MACROD2: variants seen among roughly 807,000 people sequenced by gnomAD.
The protein encoded by MACROD2 is mono-ADP ribosylhydrolase 2.
Under a neutral mutation model 70.4 loss-of-function variants are expected in MACROD2, and 36 were observed. The ratio of observed to expected loss-of-function variants is 0.51; its 90% CI spans 0.39 to 0.68. The LOEUF is 0.68. Among genes scored for constraint, MACROD2 ranks in the 30% least tolerant of loss-of-function variants. The probability of loss-of-function intolerance (pLI) is 0.00; values close to 1 mark genes in which losing one functional copy is unlikely to be tolerated. For missense variants in MACROD2, 496 were observed against 538.4 expected (o/e 0.92, Z 0.78); for synonymous variants, 172 against 178.8 (o/e 0.96, Z 0.30).
intron 5 of MACROD2, among the ~76,000 whole-genome samples, chr20:14,822,571 A>C (rs2072858672): frequency 6.6e-6 from 1 of 152,104 alleles, no homozygotes; most frequent in African/African-American, 2.4e-5. Context: ...AAAACAATTG[A>C]ACTTTGGCTA....
At chr20:14,625,232 C>A (rs890895263) in intron 4 of MACROD2, among the ~76,000 whole-genome samples, 20 of 152,042 alleles carry the variant, frequency 1.3e-4, no homozygotes, top group African/African-American at 4.6e-4. Context: ...GAGGCTCAGG[C>A]AGGAGAATCA....
chr20:14,356,072 C>T (rs1046845224), intron 3 of MACROD2, among the ~76,000 whole-genome samples: 4 of 152,128 alleles, frequency 2.6e-5, no homozygotes, highest in African/African-American at 9.7e-5. Flanking sequence ...GTTAAGGGTG[C>T]TAGTTTTGTA....
intron 5 of MACROD2, among the ~76,000 whole-genome samples, chr20:15,081,181 T>G (rs1467979339): frequency 6.6e-6 from 1 of 151,890 alleles, no homozygotes; most frequent in Non-Finnish European, 1.5e-5. Context: ...TAAAATAAAA[T>G]TTTGTAATAA....
At chr20:14,917,860 T>C (rs2074111911) in intron 5 of MACROD2, among the ~76,000 whole-genome samples, 1 of 152,108 alleles carries the variant, frequency 6.6e-6, no homozygotes, top group Admixed American at 6.5e-5. Context: ...CAAATTTCAC[T>C]AGGATGAAGA....
chr20:14,510,257 T>G lies in MACROD2; in HGVS notation c.301+16749T>G, dbSNP rs2085014341. On this transcript the variant is annotated intron_variant, in intron 4 of 17. Coordinates refer to ENST00000684519, the MANE Select transcript of MACROD2 (RefSeq NM_001351661.2). ...AGTTTTTCCTTAGCTCTAAGCCTAA[T>G]GTCAATAGAAAACTATATTGAAAAG... Among the ~76,000 whole-genome samples, 2 of 152,060 alleles carry G rather than the reference T, an allele frequency of 1.3e-5. 1 individual carries two copies. Among genetic ancestry groups the G allele is most frequent in the South Asian group, 4.1e-4 (2 of 4,832 alleles).
chr20:15,224,540 A>G (rs1244007739), intron 5 of MACROD2, among the ~76,000 whole-genome samples: 1 of 152,238 alleles, frequency 6.6e-6, no homozygotes, highest in Non-Finnish European at 1.5e-5. Context: ...GTAGGCGTAG[A>G]TTAAATTTTT....
intron 3 of MACROD2, among the ~76,000 whole-genome samples, chr20:14,100,117 ATAC>A (rs2041230706): frequency 6.6e-6 from 1 of 152,050 alleles, no homozygotes; most frequent in Non-Finnish European, 1.5e-5. Context: ...TATGAAGGTA[ATAC>A]TATTATTATT....
chr20:14,972,847 C>T (rs1244295843), intron 5 of MACROD2, among the ~76,000 whole-genome samples: 1 of 152,096 alleles, frequency 6.6e-6, no homozygotes, highest in Admixed American at 6.5e-5. Flanking sequence ...AAGACATCAC[C>T]AATGGTTGTC....
At chr20:15,290,924 A>G (rs980022345) in intron 6 of MACROD2, among the ~76,000 whole-genome samples, 2 of 152,220 alleles carry the variant, frequency 1.3e-5, no homozygotes, top group African/African-American at 4.8e-5. Context: ...GCTTAATTGT[A>G]GAGACAGACA....
intron 8 of MACROD2, among the ~76,000 whole-genome samples, chr20:15,514,012 A>G (rs1442481642): frequency 6.6e-6 from 1 of 152,206 alleles, no homozygotes; most frequent in Non-Finnish European, 1.5e-5. Context: ...GTCAATGAAC[A>G]GATTTAAAAT....
At chr20:14,838,350 G>A (rs1224115074) in intron 5 of MACROD2, among the ~76,000 whole-genome samples, 1 of 152,060 alleles carries the variant, frequency 6.6e-6, no homozygotes, top group African/African-American at 2.4e-5. Context: ...AACGTCATTT[G>A]TGAAATTTAA....
chr20:14,193,573 C>T (rs762847092), intron 3 of MACROD2, among the ~76,000 whole-genome samples: 10 of 152,146 alleles, frequency 6.6e-5, no homozygotes, highest in Non-Finnish European at 1.5e-4. Flanking sequence ...GTATTACCAA[C>T]CCTAGGACCT....
intron 9 of MACROD2, among the ~76,000 whole-genome samples, chr20:15,882,271 T>A (rs1013203164): frequency 1.3e-5 from 2 of 152,100 alleles, no homozygotes; most frequent in Admixed American, 6.6e-5. Context: ...TATCTCTTCT[T>A]CTTCATAGGG....
chr20:16,010,456 A>G (rs1173855463), intron 15 of MACROD2, among the ~76,000 whole-genome samples: 5 of 152,198 alleles, frequency 3.3e-5, no homozygotes, highest in Non-Finnish European at 7.3e-5. Context: ...ATTTTATCTT[A>G]TTGTCCCTCT....
intron 8 of MACROD2, among the ~76,000 whole-genome samples, chr20:15,592,141 T>C (rs1177246407): frequency 6.6e-6 from 1 of 152,238 alleles, no homozygotes; most frequent in Non-Finnish European, 1.5e-5. Context: ...AAACTTCCAA[T>C]GTTTTAGTGT....
intron 5 of MACROD2, among the ~76,000 whole-genome samples, chr20:14,727,067 G>T (rs1052230732): frequency 6.6e-6 from 1 of 152,074 alleles, no homozygotes; most frequent in Non-Finnish European, 1.5e-5. Context: ...TATACAATTT[G>T]TTCAATGTAG....
intron 8 of MACROD2, among the ~76,000 whole-genome samples, chr20:15,660,310 T>A (rs2049801582): frequency 6.6e-6 from 1 of 152,204 alleles, no homozygotes; most frequent in Non-Finnish European, 1.5e-5. Context: ...TCATCGAGAC[T>A]GTTTTCATTT....
chr20:15,308,402 T>G (rs2077718692), intron 6 of MACROD2, among the ~76,000 whole-genome samples: 1 of 152,226 alleles, frequency 6.6e-6, no homozygotes, highest in African/African-American at 2.4e-5. Context: ...TCATTCAACT[T>G]GGATTAGCCA....
intron 3 of MACROD2, among the ~76,000 whole-genome samples, chr20:14,469,254 C>T (rs1206112389): frequency 1.3e-5 from 2 of 152,118 alleles, no homozygotes; most frequent in Non-Finnish European, 2.9e-5. Flanking sequence ...TGAATATTGG[C>T]CCCCACTCTC....
Sources: allele counts gnomAD v4.1 joint callset (sites outside exome capture counted in the v4.1 genomes callset), GRCh38; gene constraint gnomAD v4.1.1; transcripts MANE v1.5; gene names NCBI Gene and HGNC (gene_info 2026-07-23, HGNC 2026-07-21).